EVC: variants seen among roughly 807,000 people sequenced by gnomAD.
EVC encodes EvC ciliary complex subunit 1.
Under a neutral mutation model 118.9 loss-of-function variants are expected in EVC, and 116 were observed. That is an observed-to-expected ratio of 0.98 (90% CI 0.84 to 1.14). EVC has a LOEUF of 1.14. Among genes scored for constraint, EVC ranks in the 50% most tolerant of loss-of-function variants. EVC has a pLI of 0.00. For synonymous variants in EVC, 619 were observed against 534.7 expected (o/e 1.16, Z -2.18); for missense variants, 1,401 against 1,246.4 (o/e 1.12, Z -1.87).
At position 5,744,968 on chromosome 4, in the gene EVC, GT is replaced by G. The variant is rs112283154; in HGVS notation, c.802-220del. ...TTATTGATTTTTAAAGTATGGTCTA[GT>G]TTTTTTTTTTTTTTTGAGGGAGGAT... is the stretch of plus-strand genomic sequence containing the variant. On this transcript the variant is annotated intron_variant, in intron 6 of 20. Transcript: ENST00000264956. Among the ~76,000 whole-genome samples the G allele has an allele frequency of 0.074, 10,305 of 139,820 alleles. 445 individuals carry two copies. Among genetic ancestry groups the G allele is most frequent in the South Asian group, 0.14 (615 of 4,372 alleles). 91.7% of individuals were successfully genotyped at this position (139,820 alleles called of 152,430 possible).
the EVC span, among the ~76,000 whole-genome samples, chr4:5,819,881 C>A: frequency 7.4e-4 from 113 of 152,342 alleles, no homozygotes; most frequent in East Asian, 0.021. Flanking sequence ...GCCAACACTT[C>A]TTTCAACCTT....
At chr4:5,828,598 T>C in the EVC span, 1 of 1,614,212 alleles carries the variant, frequency 6.2e-7, no homozygotes, top group Non-Finnish European at 8.5e-7. Context: ...AAAGACGATC[T>C]TGCCCTGGCT....
chr4:5,813,377 TG>T lies in EVC; in HGVS notation c.*2341del, dbSNP rs1717210760. The T allele has an allele frequency of 6.6e-6, 1 of 152,186 alleles. No homozygotes were observed. Among genetic ancestry groups the T allele is most frequent in the Admixed American group, 6.5e-5 (1 of 15,278 alleles). The allele number at this position is 152,186 out of a possible 1,614,324, so 9.4% of individuals were successfully genotyped here. On this transcript the variant is annotated 3_prime_UTR_variant, in exon 21 of 21. Coordinates refer to ENST00000264956, the MANE Select transcript of EVC (RefSeq NM_153717.3). ...CCACCACGCCTGGCTAAATCTTTTT[TG>T]TATTTTATTTTAGTAGAGACGGGGT...
At chr4:5,767,411 G>C (rs1733087264) in intron 11 of EVC, among the ~76,000 whole-genome samples, 1 of 148,688 alleles carries the variant, frequency 6.7e-6, no homozygotes, top group Non-Finnish European at 1.5e-5. Flanking sequence ...GCCTCCTTGA[G>C]CTGTGGTGGG....
chr4:5,804,317 T>C (rs1715503669), intron 16 of EVC, among the ~76,000 whole-genome samples: 1 of 152,176 alleles, frequency 6.6e-6, no homozygotes. Context: ...CTCCAAGAAA[T>C]GGGGCATAAC....
chr4:5,712,851 G>A (rs61609060), intron 1 of EVC, among the ~76,000 whole-genome samples: 3,844 of 152,264 alleles, frequency 0.025, 159 homozygotes, highest in African/African-American at 0.087. Flanking sequence ...CAGAGACTTG[G>A]CTGGGTGTCC....
Position 5,793,631 on chromosome 4 carries a change from G to A in EVC, c.1800G>A (p.Leu600=). ...AGGTGTGGATGGAGGAGTGTGCGCTGTCCAGCGTGCTGCAGACACACCTGC... is the reference window on the plus strand; with the variant it reads ...AGGTGTGGATGGAGGAGTGTGCGCTATCCAGCGTGCTGCAGACACACCTGC... ...DQQVWMEECA[L]SSVLQTHLRE... is the part of the protein sequence containing the mutation. The change falls in exon 13 of 21, where the codon CTG becomes CTA. Residue 600 remains leucine, a synonymous_variant. Transcript: ENST00000264956. The A allele has an allele frequency of 6.4e-7, 1 of 1,552,002 alleles. No homozygotes were observed. Among genetic ancestry groups the A allele is most frequent in the South Asian group, 1.2e-5 (1 of 84,062 alleles).
intron 1 of EVC, among the ~76,000 whole-genome samples, chr4:5,715,002 T>C (rs11943128): frequency 0.94 from 141,982 of 151,244 alleles, 66,702 homozygotes; most frequent in African/African-American, 0.97. Context: ...TCTGTAGAGT[T>C]AGAGTTTTGC....
rs1271451858 is a variant in EVC at position 5,746,489 on chromosome 4, A to G, written c.939+1148A>G. On this transcript the variant is annotated intron_variant, in intron 7 of 20. Transcript: ENST00000264956. This position sits in a 1 kb window ranked among gnomAD's most constrained non-coding sequence, Gnocchi z 5.8. ...AGGGAGCCAATGCTCCTGTCCTCTG[A>G]ATAGGTCCAATATTGAGAGGAGAGG... Among the ~76,000 whole-genome samples, 2 of 152,162 alleles carry G rather than the reference A, an allele frequency of 1.3e-5. No homozygotes were observed. Among genetic ancestry groups the G allele is most frequent in the African/African-American group, 4.8e-5 (2 of 41,452 alleles).
At chr4:5,828,791 A>AAAT in the EVC span, 22 of 1,197,976 alleles carry the variant, frequency 1.8e-5, no homozygotes, top group Admixed American at 1.1e-4. Context: ...TTCTCTCTAA[A>AAAT]AATACCTTTT....
chr4:5,770,667 A>C (rs1733801996), intron 11 of EVC, among the ~76,000 whole-genome samples: 1 of 152,146 alleles, frequency 6.6e-6, no homozygotes, highest in Non-Finnish European at 1.5e-5. Context: ...AACCCACTCT[A>C]GACAATCAGT....
At chr4:5,760,273 A>T (rs1228542241) in intron 11 of EVC, among the ~76,000 whole-genome samples, 2 of 152,040 alleles carry the variant, frequency 1.3e-5, no homozygotes, top group Non-Finnish European at 2.9e-5. Context: ...AGTTTCAATA[A>T]AGAGTTGTCA....
chr4:5,808,430 T>G, intron 18 of EVC, 103 bp downstream of exon 18: 5 of 1,554,358 alleles, frequency 3.2e-6, no homozygotes. Context: ...GGACTGCACT[T>G]CCCTGCCTGT....
chr4:5,719,431 C>G lies in EVC; in HGVS notation c.300+58C>G. 1 of 1,612,404 alleles carries G rather than the reference C, an allele frequency of 6.2e-7. No individual in the cohort carries two copies. ...CACATGTGGGAGGTGGGGTATTCCC[C>G]CTGGAAGCCGGGTGTCATGTAGACA... On this transcript the variant is annotated intron_variant, in intron 2 of 20. Coordinates refer to ENST00000264956, the MANE Select transcript of EVC (RefSeq NM_153717.3). The surrounding 1 kb of genome is among the most constrained non-coding windows in gnomAD (Gnocchi z 4.7).
chr4:5,733,476 A>G (rs112148675), intron 5 of EVC, 41 bp downstream of exon 5: 4 of 1,528,464 alleles, frequency 2.6e-6, no homozygotes, highest in Non-Finnish European at 3.6e-6. Flanking sequence ...TCATGGGGAC[A>G]GGAGCTGGGA....
At chr4:5,766,879 C>A (rs577370607) in intron 11 of EVC, among the ~76,000 whole-genome samples, 1 of 151,800 alleles carries the variant, frequency 6.6e-6, no homozygotes, top group African/African-American at 2.4e-5. Context: ...GTAATTTGAT[C>A]GTCTGAAGCC....
rs574546550 is a variant in EVC at position 5,768,093 on chromosome 4, G to A, written c.1563+11731G>A. Among the ~76,000 whole-genome samples the A allele has an allele frequency of 1.9e-3, 296 of 152,288 alleles. 2 individuals are homozygous for A. Among genetic ancestry groups the A allele is most frequent in the African/African-American group, 6.7e-3 (279 of 41,518 alleles). On this transcript the variant is annotated intron_variant, in intron 11 of 20. Coordinates refer to ENST00000264956, the MANE Select transcript of EVC (RefSeq NM_153717.3). ...TTGGCATTGCAGCAGCAGCAGCAGT[G>A]AGGCCAGTGTAAGGGCAGTGGGGAA... is the stretch of plus-strand genomic sequence containing the variant.
At position 5,719,524 on chromosome 4, in the gene EVC, C is replaced by T. The variant is rs534850682; in HGVS notation, c.300+151C>T. 1,459 of 1,151,738 alleles carry T rather than the reference C, an allele frequency of 1.3e-3. 16 individuals carry two copies. The South Asian group carries it at 0.018, about 14-fold the overall frequency. The allele number at this position is 1,151,738 out of a possible 1,614,324, so 71.3% of individuals were successfully genotyped here. On this transcript the variant is annotated intron_variant, in intron 2 of 20. Coordinates refer to ENST00000264956, the MANE Select transcript of EVC (RefSeq NM_153717.3). This position sits in a 1 kb window ranked among gnomAD's most constrained non-coding sequence, Gnocchi z 4.7. ...GGCATAATTTACATACAGTCAAATGCGCAGACTTTAGGTTTTACAGTTTGA... is the reference window on the plus strand; with the variant it reads ...GGCATAATTTACATACAGTCAAATGTGCAGACTTTAGGTTTTACAGTTTGA...
intron 11 of EVC, among the ~76,000 whole-genome samples, chr4:5,773,238 C>T (rs1355333613): frequency 6.6e-6 from 1 of 152,182 alleles, no homozygotes; most frequent in Non-Finnish European, 1.5e-5. Flanking sequence ...TGATCACAGT[C>T]ATGCTGTGTA....
Sources: gnomAD v4.1 joint callset for allele counts (sites outside exome capture counted in the v4.1 genomes callset) on GRCh38, gnomAD v4.1.1 for gene constraint, Gnocchi (gnomAD v3.1) non-coding constraint, MANE v1.5 for transcripts, NCBI Gene and HGNC (gene_info 2026-07-23, HGNC 2026-07-21) for gene names.